The following TMC1 variants were observed in gnomAD, a reference collection of about 807,000 sequenced individuals.
TMC1 encodes the protein transmembrane channel like 1, also known as transmembrane channel-like protein 1.
A neutral mutation model predicts 105.8 loss-of-function variants in TMC1; 84 were observed. That is an observed-to-expected ratio of 0.79 (90% CI 0.67 to 0.95). The LOEUF is 0.95. Ranked by LOEUF, TMC1 falls within the 40% of genes least tolerant of loss-of-function variation. The pLI, the probability that TMC1 is intolerant of heterozygous loss-of-function variation, is 0.00. For synonymous variants in TMC1, 315 were observed against 311.5 expected, an observed-to-expected ratio of 1.01 and a Z score of -0.12; for missense variants, 817 against 914.1, an observed-to-expected ratio of 0.89 and a Z score of 1.37.
intron 23 of TMC1, among the ~76,000 whole-genome samples, chr9:72,831,349 T>G (rs2118334047): frequency 6.6e-6 from 1 of 152,216 alleles, no homozygotes; most frequent in South Asian, 2.1e-4. Flanking sequence ...CTCAAATTGG[T>G]TTAATTGAGA....
At chr9:72,625,855 T>C (rs1455921752) in intron 3 of TMC1, among the ~76,000 whole-genome samples, 9 of 152,178 alleles carry the variant, frequency 5.9e-5, no homozygotes, top group Admixed American at 2.0e-4. Flanking sequence ...TTTCATTTTA[T>C]CTTGGTCGCA....
intron 1 of TMC1, among the ~76,000 whole-genome samples, chr9:72,555,551 G>A (rs1823916213): frequency 6.6e-6 from 1 of 152,076 alleles, no homozygotes; most frequent in Admixed American, 6.6e-5. Flanking sequence ...TGATGTGGAT[G>A]GTAGGAGAAA....
chr9:72,585,308 G>A (rs1345222506), intron 2 of TMC1, among the ~76,000 whole-genome samples: 3 of 122,306 alleles, frequency 2.5e-5, no homozygotes, highest in African/African-American at 1.2e-4. Flanking sequence ...CTGCCACCAC[G>A]CCCTGCTAAT....
chr9:72,807,958 A>T (rs866062813), intron 18 of TMC1, among the ~76,000 whole-genome samples: 1 of 152,168 alleles, frequency 6.6e-6, no homozygotes, highest in South Asian at 2.1e-4. Flanking sequence ...ACAAAGTCTG[A>T]GGGCAACAGC....
chr9:72,628,648 C>T (rs1218885119), intron 4 of TMC1, among the ~76,000 whole-genome samples: 2 of 152,176 alleles, frequency 1.3e-5, no homozygotes, highest in Non-Finnish European at 2.9e-5. Context: ...TTCTTTTCTT[C>T]TGCCATCAGG....
intron 19 of TMC1, among the ~76,000 whole-genome samples, chr9:72,816,534 CATG>C (rs1404792732): frequency 6.6e-6 from 1 of 152,122 alleles, no homozygotes; most frequent in Non-Finnish European, 1.5e-5. Flanking sequence ...TACATTACCA[CATG>C]ATAAGTATGA....
intron 20 of TMC1, among the ~76,000 whole-genome samples, chr9:72,824,268 C>T (rs1828918729): frequency 6.6e-6 from 1 of 152,244 alleles, no homozygotes; most frequent in East Asian, 1.9e-4. Context: ...CCACCATCCT[C>T]AGCCTGATGG....
chr9:72,790,506 A>T (rs1220706417), intron 15 of TMC1, among the ~76,000 whole-genome samples: 1 of 152,232 alleles, frequency 6.6e-6, no homozygotes, highest in Non-Finnish European at 1.5e-5. Flanking sequence ...AAATGGTCTC[A>T]TAATTGTAAT....
intron 8 of TMC1, among the ~76,000 whole-genome samples, chr9:72,738,237 A>G (rs763647116): frequency 6.6e-6 from 1 of 152,118 alleles, no homozygotes; most frequent in Non-Finnish European, 1.5e-5. Flanking sequence ...CACTGTGCCT[A>G]TATTTTTATG....
chr9:72,601,862 A>G (rs1824821925), intron 2 of TMC1, among the ~76,000 whole-genome samples: 1 of 152,188 alleles, frequency 6.6e-6, no homozygotes, highest in Non-Finnish European at 1.5e-5. Context: ...CAAAACCAAA[A>G]TTCTTGGGAC....
intron 5 of TMC1, among the ~76,000 whole-genome samples, chr9:72,671,043 C>T (rs1826120025): frequency 6.6e-6 from 1 of 152,150 alleles, no homozygotes; most frequent in Non-Finnish European, 1.5e-5. Context: ...GAAGCATACA[C>T]ATTTACTTAA....
chr9:72,702,941 G>A (rs1430282200), intron 8 of TMC1, among the ~76,000 whole-genome samples: 1 of 152,024 alleles, frequency 6.6e-6, no homozygotes, highest in Non-Finnish European at 1.5e-5. Context: ...AGCAGACACT[G>A]ACAATAAGGA....
chr9:72,572,982 A>G (rs1380999377), intron 1 of TMC1, among the ~76,000 whole-genome samples: 1 of 152,046 alleles, frequency 6.6e-6, no homozygotes, highest in African/African-American at 2.4e-5. Flanking sequence ...ACAGAGTGAG[A>G]CTCTGTCTCA....
chr9:72,818,956 A>T (rs564271585), intron 19 of TMC1, among the ~76,000 whole-genome samples: 1 of 152,338 alleles, frequency 6.6e-6, no homozygotes, highest in South Asian at 2.1e-4. Flanking sequence ...ACATACAAAC[A>T]ATGTGCACGT....
intron 3 of TMC1, among the ~76,000 whole-genome samples, chr9:72,619,419 A>T (rs1221500635): frequency 6.6e-6 from 1 of 152,184 alleles, no homozygotes; most frequent in African/African-American, 2.4e-5. Context: ...AAACACACAC[A>T]ACAAGTCATA....
intron 21 of TMC1, among the ~76,000 whole-genome samples, chr9:72,828,965 A>G (rs1233807636): frequency 1.3e-5 from 2 of 152,220 alleles, no homozygotes; most frequent in South Asian, 2.1e-4. Flanking sequence ...TTCATGGGCC[A>G]TACAAAACAG....
rs530655896 is a variant in TMC1 at position 72,669,311 on chromosome 9, GA to G, written c.17-19389del. On this transcript the variant is annotated intron_variant, in intron 5 of 23. Coordinates refer to ENST00000297784, the MANE Select transcript of TMC1 (RefSeq NM_138691.3). The stretch of plus-strand genomic sequence containing the variant: ...GCGAAAGAGTAAGACTCTATCTAAA[GA>G]AAAAAAAATGTACTATAATAATTTA... 7.2e-4 allele frequency among the ~76,000 whole-genome samples: 108 copies of G among 149,738 alleles called. 1 individual carries two copies. Among genetic ancestry groups the G allele is most frequent in the Admixed American group, 2.4e-3 (36 of 15,092 alleles).
At chr9:72,703,876 G>A (rs753789095) in intron 8 of TMC1, among the ~76,000 whole-genome samples, 16 of 152,200 alleles carry the variant, frequency 1.1e-4, no homozygotes, top group Non-Finnish European at 1.9e-4. Flanking sequence ...TGCCATGGCC[G>A]GGGCCAGCCT....
At chr9:72,697,362 T>C (rs1011370813) in intron 7 of TMC1, among the ~76,000 whole-genome samples, 1 of 152,106 alleles carries the variant, frequency 6.6e-6, no homozygotes, top group Non-Finnish European at 1.5e-5. Context: ...AAGTCCATAA[T>C]ATAGTAAGGG....
Sources: allele counts gnomAD v4.1 joint callset (sites outside exome capture counted in the v4.1 genomes callset), GRCh38; gene constraint gnomAD v4.1.1; transcripts MANE v1.5; gene names NCBI Gene and HGNC (gene_info 2026-07-23, HGNC 2026-07-21).